CX3CR1: variants seen among roughly 807,000 people sequenced by gnomAD.
The protein encoded by CX3CR1 is CX3C chemokine receptor 1.
For synonymous variants in CX3CR1, 168 were observed against 178.5 expected (o/e 0.94, Z 0.47); for missense variants, 363 against 432.4 (o/e 0.84, Z 1.42).
At chr3:39,288,110 A>G in the CX3CR1 span, among the ~76,000 whole-genome samples, 1 of 152,178 alleles carries the variant, frequency 6.6e-6, no homozygotes, top group African/African-American at 2.4e-5. Flanking sequence ...AAACCTCAGT[A>G]TGTTGAGGCA....
At chr3:39,286,255 T>C (rs1318557274), upstream of CX3CR1, 1 of 152,302 alleles carries the variant, frequency 6.6e-6, no homozygotes. Flanking sequence ...GAGGCAGCCT[T>C]GCACTTGCTG....
intron 1 of CX3CR1, among the ~76,000 whole-genome samples, chr3:39,268,579 G>A (rs760313007): frequency 1.3e-5 from 2 of 152,146 alleles, no homozygotes; most frequent in Non-Finnish European, 2.9e-5. Flanking sequence ...CCTTCCCCCA[G>A]TGAGAAGAGC....
intron 1 of CX3CR1, 83 bp downstream of exon 1, chr3:39,279,871 G>A (rs1313726885): frequency 3.8e-5 from 22 of 573,922 alleles, no homozygotes; most frequent in South Asian, 7.6e-5. Flanking sequence ...TTGTCTGCAC[G>A]TAAGCAAACA....
intron 1 of CX3CR1, among the ~76,000 whole-genome samples, chr3:39,267,945 G>A (rs56373695): frequency 6.4e-4 from 98 of 152,304 alleles, no homozygotes; most frequent in Admixed American, 5.8e-3. Context: ...GCGTCTCCTC[G>A]TGATACCACA....
chr3:39,271,776 G>T (rs1320863027), intron 1 of CX3CR1, among the ~76,000 whole-genome samples: 1 of 152,244 alleles, frequency 6.6e-6, no homozygotes, highest in Non-Finnish European at 1.5e-5. Flanking sequence ...CTGAAGCTGT[G>T]TCCTTCGCAG....
At position 39,265,175 on chromosome 3, in the gene CX3CR1, G is replaced by C. The variant is rs1383182871; in HGVS notation, c.*267C>G. The C allele has an allele frequency of 2.5e-6, 1 of 405,086 alleles. No homozygotes were observed. The highest frequency in any genetic ancestry group is 4.1e-5 in the East Asian group (1 of 24,544). 25.1% of individuals were successfully genotyped at this position (405,086 alleles called of 1,614,324 possible). A position where few individuals can be genotyped will look rare whatever the true frequency, so the allele number is the denominator to read the frequency against. ...CACCCTCATTTAACTAAACTAGTCTGAGTTGAATTTTTGTCATCTGCAAAC... is the reference window on the plus strand; with the variant it reads ...CACCCTCATTTAACTAAACTAGTCTCAGTTGAATTTTTGTCATCTGCAAAC... On this transcript the variant is annotated 3_prime_UTR_variant, in exon 2 of 2. Coordinates refer to ENST00000399220, the MANE Select transcript of CX3CR1 (RefSeq NM_001337.4).
At chr3:39,279,107 G>A (rs116583694) in intron 1 of CX3CR1, among the ~76,000 whole-genome samples, 13,200 of 152,106 alleles carry the variant, frequency 0.087, 728 homozygotes, top group Middle Eastern at 0.19. Context: ...GCAGTGAGCC[G>A]AGACTGTGCC....
At chr3:39,279,831 G>T in intron 1 of CX3CR1, 123 bp downstream of exon 1, 1 of 270,940 alleles carries the variant, frequency 3.7e-6, no homozygotes, top group Non-Finnish European at 5.7e-6. Context: ...ACATATTTAG[G>T]CTACAACATC....
At chr3:39,288,348 A>G in the CX3CR1 span, among the ~76,000 whole-genome samples, 1 of 152,208 alleles carries the variant, frequency 6.6e-6, no homozygotes, top group Non-Finnish European at 1.5e-5. Context: ...GCTGTTTGTT[A>G]AGGATACAAA....
At chr3:39,285,976 T>A (rs182252744), upstream of CX3CR1, 3 of 152,176 alleles carry the variant, frequency 2.0e-5, no homozygotes, top group African/African-American at 7.2e-5. Context: ...ACAGATAATA[T>A]AACGTTAAAT....
intron 1 of CX3CR1, among the ~76,000 whole-genome samples, chr3:39,274,957 G>A (rs914497436): frequency 9.9e-5 from 15 of 152,002 alleles, no homozygotes; most frequent in African/African-American, 3.4e-4. Flanking sequence ...CACCTCCTGG[G>A]TTCAAGTGAT....
chr3:39,283,843 T>TATATATATATATA (rs1351970787), upstream of CX3CR1, among the ~76,000 whole-genome samples: 15 of 74,154 alleles, frequency 2.0e-4, no homozygotes, highest in East Asian at 8.8e-4. Context: ...ATATATATAA[T>TATATATATATATA]GTGGTTAATA....
chr3:39,270,391 C>G (rs989725018), intron 1 of CX3CR1, among the ~76,000 whole-genome samples: 7 of 152,324 alleles, frequency 4.6e-5, no homozygotes, highest in African/African-American at 1.7e-4. Context: ...GAAACAACCC[C>G]AATGTCCATC....
Position 39,266,393 on chromosome 3 carries a change from G to A in CX3CR1, c.117C>T (p.Ser39=), listed in dbSNP as rs202143296. 2.5e-4 allele frequency: 403 copies of A among 1,614,182 alleles called. 1 individual carries two copies. The highest frequency in any genetic ancestry group is 1.7e-3 in the African/African-American group (129 of 75,030). ...FGTVFLSIFY[S]VIFAIGLVGN... ...CCACCAGGCCAATGGCAAAGATGAC[G>A]GAGTAGAATATGGACAGGAACACAG... is the stretch of plus-strand genomic sequence containing the variant. Residue 39 remains serine (S), a synonymous_variant, in exon 2 of 2, where the codon TCC becomes TCT. Coordinates refer to ENST00000399220, the MANE Select transcript of CX3CR1 (RefSeq NM_001337.4).
rs2040650212 is a variant in CX3CR1 at position 39,263,553 on chromosome 3, T to C, written c.*1889A>G. ...TGGAAACAAGTTAAATGTTTATCAA[T>C]TGAGTAATGGCAAGTAAATTGGGGT... On this transcript the variant is annotated 3_prime_UTR_variant, in exon 2 of 2. Coordinates refer to ENST00000399220, the MANE Select transcript of CX3CR1 (RefSeq NM_001337.4). 6.6e-6 allele frequency: 1 copy of C among 152,354 alleles called. No homozygotes were observed. Among genetic ancestry groups the C allele is most frequent in the South Asian group, 2.1e-4 (1 of 4,832 alleles). The allele number at this position is 152,354 out of a possible 1,614,324, so 9.4% of individuals were successfully genotyped here.
the CX3CR1 span, among the ~76,000 whole-genome samples, chr3:39,292,784 T>G: frequency 3.0e-3 from 460 of 152,318 alleles, 3 homozygotes; most frequent in African/African-American, 9.8e-3. Flanking sequence ...ACCTGAATTC[T>G]TACTTACCAC....
the CX3CR1 span, among the ~76,000 whole-genome samples, chr3:39,292,193 C>T: frequency 2.0e-5 from 3 of 152,136 alleles, no homozygotes; most frequent in African/African-American, 7.2e-5. Flanking sequence ...ACCCTCAGCC[C>T]GGCAGCCTGA....
At chr3:39,267,724 C>T (rs17793056) in intron 1 of CX3CR1, among the ~76,000 whole-genome samples, 69,988 of 152,060 alleles carry the variant, frequency 0.46, 17,506 homozygotes, top group East Asian at 0.7. Context: ...GGCTAGTCTC[C>T]GGGTGACTAA....
chr3:39,278,464 G>A (rs898507315), intron 1 of CX3CR1, among the ~76,000 whole-genome samples: 2 of 151,966 alleles, frequency 1.3e-5, no homozygotes, highest in South Asian at 2.1e-4. Flanking sequence ...GCACAGGTCC[G>A]TCACCCACCC....
Sources: allele counts gnomAD v4.1 joint callset (sites outside exome capture counted in the v4.1 genomes callset), GRCh38; gene constraint gnomAD v4.1.1; transcripts MANE v1.5; gene names NCBI Gene and HGNC (gene_info 2026-07-23, HGNC 2026-07-21).